The following GRID1 variants were observed in gnomAD, a reference collection of about 807,000 sequenced individuals.
GRID1 encodes the protein glutamate receptor ionotropic, delta-1.
Under a neutral mutation model 98.0 loss-of-function variants are expected in GRID1, and 28 were observed. That is an observed-to-expected ratio of 0.29 (90% CI 0.21 to 0.39). GRID1 has a LOEUF of 0.39. Ranked by LOEUF, GRID1 falls within the 10% of genes least tolerant of loss-of-function variation. The pLI, the probability that GRID1 is intolerant of heterozygous loss-of-function variation, is 1.00. For missense variants in GRID1, 1,111 were observed against 1,340.5 expected, an observed-to-expected ratio of 0.83 and a Z score of 2.67; for synonymous variants, 553 against 538.5, an observed-to-expected ratio of 1.03 and a Z score of -0.37.
At chr10:85,902,525 A>C (rs1841403145) in intron 5 of GRID1, among the ~76,000 whole-genome samples, 1 of 152,244 alleles carries the variant, frequency 6.6e-6, no homozygotes, top group African/African-American at 2.4e-5. Context: ...TCCATAATAC[A>C]AACTATATTA....
At chr10:86,045,444 C>T (rs1305192229) in intron 4 of GRID1, among the ~76,000 whole-genome samples, 4 of 152,106 alleles carry the variant, frequency 2.6e-5, no homozygotes, top group African/African-American at 4.8e-5. Flanking sequence ...TTTTGACAAG[C>T]GAGACTGCGA....
chr10:85,700,121 A>C (rs1841435171), intron 12 of GRID1, among the ~76,000 whole-genome samples: 2 of 152,154 alleles, frequency 1.3e-5, no homozygotes, highest in Admixed American at 1.3e-4. Context: ...ACTATGAAGG[A>C]CTTTTTCAAC....
At position 86,053,553 on chromosome 10, in the gene GRID1, G is replaced by C. The variant is rs564627128; in HGVS notation, c.726+85266C>G. Among the ~76,000 whole-genome samples the C allele has an allele frequency of 7.9e-5, 12 of 151,810 alleles. No homozygotes were observed. In the South Asian group the frequency reaches 2.3e-3, roughly 29 times the overall value. On this transcript the variant is annotated intron_variant, in intron 4 of 15. Transcript: ENST00000327946. ...TTTTTTGTATTTTTAGTAGAGATGGGGTTTCGCCGTGTTGGCCAGGCTGGT... is the reference window on the plus strand; with the variant it reads ...TTTTTTGTATTTTTAGTAGAGATGGCGTTTCGCCGTGTTGGCCAGGCTGGT...
chr10:85,982,274 A>G (rs554400705), intron 4 of GRID1, among the ~76,000 whole-genome samples: 1 of 152,182 alleles, frequency 6.6e-6, no homozygotes, highest in African/African-American at 2.4e-5. Flanking sequence ...CCATTTCACT[A>G]TTTGTATGTA....
chr10:85,647,459 C>T, intron 12 of GRID1, 62 bp from the exon 13 acceptor site: 1 of 1,318,704 alleles, frequency 7.6e-7, no homozygotes, highest in Non-Finnish European at 1.1e-6. Context: ...TGCAAGGATA[C>T]AAATGGGCTG....
At chr10:86,121,551 C>CA (rs1234673608) in intron 4 of GRID1, among the ~76,000 whole-genome samples, 3 of 122,176 alleles carry the variant, frequency 2.5e-5, no homozygotes, top group Non-Finnish European at 3.6e-5. Context: ...TCACCATTAT[C>CA]TCACCATCAT....
At chr10:85,714,941 TAAAC>T (rs928099695) in intron 12 of GRID1, among the ~76,000 whole-genome samples, 2 of 152,086 alleles carry the variant, frequency 1.3e-5, no homozygotes, top group Non-Finnish European at 2.9e-5. Context: ...AATGCAATCT[TAAAC>T]AAGAGAAGCA....
intron 4 of GRID1, among the ~76,000 whole-genome samples, chr10:85,930,287 ATTTATAACTACAAATAACTTGCG>A (rs1841832767): frequency 2.4e-5 from 3 of 126,558 alleles, no homozygotes; most frequent in Admixed American, 7.6e-5. Flanking sequence ...ACTTGCGGTT[ATTTATAACTACAAATAACTTGCG>A]GTTATTTATA....
intron 8 of GRID1, among the ~76,000 whole-genome samples, chr10:85,751,044 G>T (rs964143632): frequency 5.9e-5 from 9 of 152,270 alleles, no homozygotes; most frequent in African/African-American, 1.9e-4. Flanking sequence ...AGAATGTGTT[G>T]GATAGGTGGG....
At chr10:86,211,176 T>C (rs959125557) in intron 2 of GRID1, among the ~76,000 whole-genome samples, 1 of 152,254 alleles carries the variant, frequency 6.6e-6, no homozygotes, top group Non-Finnish European at 1.5e-5. Context: ...GCCTGGCACA[T>C]AGTAGCAACT....
At chr10:85,790,820 G>T (rs1842471556) in intron 8 of GRID1, among the ~76,000 whole-genome samples, 3 of 152,190 alleles carry the variant, frequency 2.0e-5, no homozygotes, top group Admixed American at 2.0e-4. Context: ...CCTCTCAAGT[G>T]CCTTGACCAA....
chr10:85,737,659 T>TA (rs946462080), intron 8 of GRID1, among the ~76,000 whole-genome samples: 1 of 132,450 alleles, frequency 7.6e-6, no homozygotes, highest in Non-Finnish European at 1.6e-5. Flanking sequence ...TATATATATA[T>TA]ATATATATAT....
intron 8 of GRID1, among the ~76,000 whole-genome samples, chr10:85,850,740 T>C (rs1265851788): frequency 6.6e-6 from 1 of 152,208 alleles, no homozygotes; most frequent in African/African-American, 2.4e-5. Flanking sequence ...ATGCTCTCAC[T>C]GCCAAGTGCT....
In GRID1 at chr10:86,366,690, G is replaced by A. The variant is rs1400005581; in HGVS notation, c.-298C>T. Among the ~76,000 whole-genome samples, 4 of 149,490 alleles carry A rather than the reference G, an allele frequency of 2.7e-5. No homozygotes were observed. Among genetic ancestry groups the A allele is most frequent in the South Asian group, 2.1e-4 (1 of 4,830 alleles). On this transcript the variant is annotated 5_prime_UTR_variant, in exon 1 of 16. Transcript: ENST00000327946. This position sits in a 1 kb window ranked among gnomAD's most constrained non-coding sequence, Gnocchi z 4.1. Reference sequence around the variant, plus strand: ...CGCGGCTGTGGCAGCGGCGCTTCCCGCGGCTAGAGCGGCTTCGGGGGAGGC... The same window carrying A: ...CGCGGCTGTGGCAGCGGCGCTTCCCACGGCTAGAGCGGCTTCGGGGGAGGC...
chr10:86,058,598 T>C (rs949896183), intron 4 of GRID1, among the ~76,000 whole-genome samples: 2 of 152,186 alleles, frequency 1.3e-5, no homozygotes, highest in African/African-American at 4.8e-5. Context: ...CCTGAGCCCA[T>C]CAGATCTGTG....
At chr10:86,280,591 C>A (rs1847342669) in intron 2 of GRID1, among the ~76,000 whole-genome samples, 1 of 146,776 alleles carries the variant, frequency 6.8e-6, no homozygotes, top group East Asian at 2.1e-4. Context: ...TGGCTTCCAC[C>A]TCTCCTCCCT....
chr10:86,299,202 T>TG (rs1414289733), intron 2 of GRID1, among the ~76,000 whole-genome samples: 1 of 151,302 alleles, frequency 6.6e-6, no homozygotes, highest in Non-Finnish European at 1.5e-5. Flanking sequence ...GATTTCTTTT[T>TG]TTTTTTTTTG....
chr10:85,992,101 G>A (rs564237578), intron 4 of GRID1, among the ~76,000 whole-genome samples: 23 of 152,282 alleles, frequency 1.5e-4, no homozygotes, highest in Non-Finnish European at 5.9e-5. Context: ...TGCAAGTGCA[G>A]GTGGGCTTGA....
At chr10:86,150,946 C>T (rs540114481) in intron 3 of GRID1, among the ~76,000 whole-genome samples, 138 of 152,244 alleles carry the variant, frequency 9.1e-4, no homozygotes, top group African/African-American at 3.3e-3. Flanking sequence ...GTTGTTTAAG[C>T]CCCCCAGCAT....
Sources: gnomAD v4.1 joint callset for allele counts (sites outside exome capture counted in the v4.1 genomes callset) on GRCh38, gnomAD v4.1.1 for gene constraint, Gnocchi (gnomAD v3.1) non-coding constraint, MANE v1.5 for transcripts, NCBI Gene and HGNC (gene_info 2026-07-23, HGNC 2026-07-21) for gene names.